ODAD2: variants seen among roughly 807,000 people sequenced by gnomAD.
ODAD2 encodes the protein outer dynein arm-docking complex subunit 2.
In ODAD2, 89 loss-of-function variants were observed where a neutral mutation model predicts 106.8. The ratio of observed to expected loss-of-function variants is 0.83; its 90% confidence interval spans 0.70 to 0.99. ODAD2 has a LOEUF of 0.99. Ranked by LOEUF, ODAD2 falls within the 50% of genes least tolerant of loss-of-function variation. ODAD2 has a pLI of 0.00. For synonymous variants in ODAD2, 404 were observed against 436.2 expected (o/e 0.93, Z 0.92); for missense variants, 1,168 against 1,238.5 (o/e 0.94, Z 0.85).
intron 19 of ODAD2, among the ~76,000 whole-genome samples, chr10:27,830,469 A>C (rs570198069): frequency 6.6e-6 from 1 of 152,340 alleles, no homozygotes; most frequent in South Asian, 2.1e-4. Context: ...AGCCTTGCTT[A>C]ATCTTCCCAG....
chr10:27,827,334 T>C (rs1385377357), intron 19 of ODAD2, among the ~76,000 whole-genome samples: 1 of 149,574 alleles, frequency 6.7e-6, no homozygotes, highest in Non-Finnish European at 1.5e-5. Context: ...TCTGTGTTTT[T>C]AAGGACATAT....
intron 17 of ODAD2, among the ~76,000 whole-genome samples, chr10:27,890,782 A>C (rs1842506983): frequency 4.6e-5 from 7 of 152,140 alleles, no homozygotes; most frequent in Middle Eastern, 3.4e-3. Context: ...AAAAAAAAAA[A>C]AAACTTGTAT....
chr10:27,848,068 C>G (rs181899753), intron 19 of ODAD2, among the ~76,000 whole-genome samples: 15 of 152,296 alleles, frequency 9.8e-5, no homozygotes, highest in African/African-American at 3.6e-4. Flanking sequence ...CTGGAAAAAA[C>G]TACTTTAAAG....
intron 14 of ODAD2, 49 bp from the exon 15 acceptor site, chr10:27,936,929 C>G: frequency 6.5e-7 from 1 of 1,541,122 alleles, no homozygotes; most frequent in Non-Finnish European, 8.7e-7. Context: ...GAATATCAAG[C>G]TTTCAATGAT....
intron 19 of ODAD2, among the ~76,000 whole-genome samples, chr10:27,846,601 C>T (rs1163712666): frequency 1.3e-5 from 2 of 148,670 alleles, no homozygotes; most frequent in Non-Finnish European, 3.0e-5. Flanking sequence ...GATAGAGACA[C>T]AAAAAACCCT....
intron 10 of ODAD2, chr10:27,958,789 C>T (rs1309563506): frequency 6.0e-5 from 71 of 1,181,334 alleles, no homozygotes; most frequent in Middle Eastern, 2.8e-4. Context: ...TTTATTTTTC[C>T]ATCTTCACCA....
intron 19 of ODAD2, among the ~76,000 whole-genome samples, chr10:27,842,375 A>T (rs1838371006): frequency 6.6e-6 from 1 of 152,180 alleles, no homozygotes; most frequent in Non-Finnish European, 1.5e-5. Flanking sequence ...GCCCTTGTGA[A>T]GAATGTCATT....
At chr10:27,917,349 T>C (rs1021127074) in intron 16 of ODAD2, among the ~76,000 whole-genome samples, 3 of 152,116 alleles carry the variant, frequency 2.0e-5, no homozygotes, top group African/African-American at 2.4e-5. Flanking sequence ...TCACAACTTA[T>C]GTTTGTGGGA....
At chr10:27,940,957 G>C (rs1473140582) in intron 12 of ODAD2, 152 bp from the exon 13 acceptor site, 2 of 798,106 alleles carry the variant, frequency 2.5e-6, no homozygotes, top group East Asian at 2.7e-5. Context: ...AGCAGCCACG[G>C]AAAGCAAAGA....
chr10:27,987,883 T>C (rs1360540522), intron 2 of ODAD2, among the ~76,000 whole-genome samples: 1 of 151,970 alleles, frequency 6.6e-6, no homozygotes, highest in Non-Finnish European at 1.5e-5. Flanking sequence ...TTAAAAATCA[T>C]TGGTTCTGCA....
chr10:27,906,950 T>C (rs1589983551), intron 17 of ODAD2, among the ~76,000 whole-genome samples: 1 of 152,070 alleles, frequency 6.6e-6, no homozygotes, highest in East Asian at 1.9e-4. Flanking sequence ...CACCATGGCA[T>C]GTGTATACCT....
At chr10:27,992,904 T>C (rs1358670541) in intron 2 of ODAD2, among the ~76,000 whole-genome samples, 1 of 152,146 alleles carries the variant, frequency 6.6e-6, no homozygotes, top group African/African-American at 2.4e-5. Context: ...CTGCTTTAAA[T>C]GCATTTTTAT....
intron 19 of ODAD2, among the ~76,000 whole-genome samples, chr10:27,848,565 T>C (rs145204064): frequency 0.033 from 5,076 of 152,252 alleles, 290 homozygotes; most frequent in African/African-American, 0.12. Flanking sequence ...AAATGGGATC[T>C]AATTAAACTA....
chr10:27,872,895 CTT>C, intron 17 of ODAD2, among the ~76,000 whole-genome samples: 1 of 152,146 alleles, frequency 6.6e-6, no homozygotes, highest in East Asian at 1.9e-4. Context: ...AGGATTCCCT[CTT>C]TTTCTATTGA....
At chr10:27,904,575 T>G (rs1431225686) in intron 17 of ODAD2, among the ~76,000 whole-genome samples, 1 of 152,252 alleles carries the variant, frequency 6.6e-6, no homozygotes, top group South Asian at 2.1e-4. Context: ...CATTTGTACT[T>G]AGGTCTATTC....
chr10:27,998,354 G>A (rs1242771271), intron 1 of ODAD2, among the ~76,000 whole-genome samples: 1 of 152,176 alleles, frequency 6.6e-6, no homozygotes, highest in African/African-American at 2.4e-5. Context: ...AGAAGGGGGC[G>A]TCAGAGCTGA....
intron 19 of ODAD2, among the ~76,000 whole-genome samples, chr10:27,849,763 T>C (rs923145377): frequency 2.4e-4 from 36 of 152,274 alleles, no homozygotes; most frequent in East Asian, 1.7e-3. Flanking sequence ...TAAATAAATG[T>C]GAAAAAATAG....
intron 12 of ODAD2, among the ~76,000 whole-genome samples, chr10:27,942,678 A>C (rs1270110030): frequency 6.6e-6 from 1 of 152,196 alleles, no homozygotes; most frequent in Non-Finnish European, 1.5e-5. Context: ...TCATAGTAAT[A>C]ATTAAATTTT....
intron 19 of ODAD2, among the ~76,000 whole-genome samples, chr10:27,826,880 C>T (rs1357581758): frequency 6.6e-6 from 1 of 152,068 alleles, no homozygotes; most frequent in East Asian, 1.9e-4. Context: ...TTCCAGCTAG[C>T]ATCCTCACTC....
Sources: gnomAD v4.1 joint callset for allele counts (sites outside exome capture counted in the v4.1 genomes callset) on GRCh38, gnomAD v4.1.1 for gene constraint, MANE v1.5 for transcripts, NCBI Gene and HGNC (gene_info 2026-07-23, HGNC 2026-07-21) for gene names.